MAD1L1: variants seen among roughly 807,000 people sequenced by gnomAD.
MAD1L1 encodes the protein mitotic arrest deficient 1 like 1, also known as mitotic spindle assembly checkpoint protein MAD1.
In MAD1L1, 95 loss-of-function variants were observed where a neutral mutation model predicts 96.9. The ratio of observed to expected loss-of-function variants is 0.98; its 90% CI spans 0.83 to 1.16. The LOEUF is 1.16. MAD1L1 is among the 50% of genes most tolerant of loss of function. The pLI, the probability that MAD1L1 is intolerant of heterozygous loss-of-function variation, is 0.00. For synonymous variants in MAD1L1, 473 were observed against 396.6 expected, an observed-to-expected ratio of 1.19 and a Z score of -2.29; for missense variants, 1,007 against 954.4, an observed-to-expected ratio of 1.06 and a Z score of -0.73.
intron 18 of MAD1L1, among the ~76,000 whole-genome samples, chr7:1,825,530 C>G (rs890655517): frequency 1.3e-5 from 2 of 152,248 alleles, no homozygotes; most frequent in African/African-American, 4.8e-5. Flanking sequence ...GTGAGAGACA[C>G]GGGCCCAAGC....
chr7:2,147,488 A>G (rs1789367555), intron 11 of MAD1L1, among the ~76,000 whole-genome samples: 1 of 152,214 alleles, frequency 6.6e-6, no homozygotes, highest in African/African-American at 2.4e-5. Context: ...GCTTGTGAGA[A>G]CCCAGGATTT....
chr7:2,109,680 A>G (rs1286956020), intron 11 of MAD1L1: 18 of 152,226 alleles, frequency 1.2e-4, no homozygotes. Context: ...AGTTTTAAAC[A>G]CTTCTGTGTT....
At chr7:1,932,427 C>T (rs143330763) in intron 17 of MAD1L1, among the ~76,000 whole-genome samples, 4 of 152,338 alleles carry the variant, frequency 2.6e-5, no homozygotes, top group African/African-American at 4.8e-5. Context: ...AGAGACGGTG[C>T]GGGGCCGTCA....
intron 10 of MAD1L1, among the ~76,000 whole-genome samples, chr7:2,160,323 G>A (rs1790041478): frequency 7.0e-6 from 1 of 143,372 alleles, no homozygotes; most frequent in Non-Finnish European, 1.5e-5. Flanking sequence ...CTTGCCACTG[G>A]ATCCTATTTT....
rs186137040 is a variant in MAD1L1, at chr7:2,020,644, C to T, written c.1219-6002G>A. Among the ~76,000 whole-genome samples the T allele has an allele frequency of 1.3e-3, 194 of 152,306 alleles. 1 individual carries two copies. Among genetic ancestry groups the T allele is most frequent in the African/African-American group, 4.3e-3 (180 of 41,568 alleles). ...GGGCCTCCTGGGAGGGAGGCTGACC[C>T]GGTGGCTGTGGGCAGAGACGAAGGA... is the stretch of plus-strand genomic sequence containing the variant. On this transcript the variant is annotated intron_variant, in intron 12 of 18. Coordinates refer to ENST00000265854, the MANE Select transcript of MAD1L1 (RefSeq NM_001013836.2).
At chr7:2,122,655 C>T (rs1003758230) in intron 11 of MAD1L1, among the ~76,000 whole-genome samples, 6 of 152,010 alleles carry the variant, frequency 3.9e-5, no homozygotes, top group African/African-American at 7.2e-5. Flanking sequence ...AGGGAGTTGA[C>T]GCTGGCCTGC....
chr7:1,958,273 T>C (rs1055822560), intron 15 of MAD1L1, among the ~76,000 whole-genome samples: 5 of 152,182 alleles, frequency 3.3e-5, no homozygotes, highest in Non-Finnish European at 7.3e-5. Flanking sequence ...ACAGTGGGAA[T>C]AGAATACAAA....
intron 16 of MAD1L1, among the ~76,000 whole-genome samples, chr7:1,947,635 G>A (rs147592088): frequency 0.024 from 3,532 of 148,644 alleles, 161 homozygotes; most frequent in East Asian, 0.063. Flanking sequence ...TTGCCCGCTT[G>A]GCCTTCCCAT....
At chr7:2,082,466 G>A (rs1785702695) in intron 11 of MAD1L1, among the ~76,000 whole-genome samples, 1 of 152,322 alleles carries the variant, frequency 6.6e-6, no homozygotes, top group African/African-American at 2.4e-5. Context: ...TGCTGTCGGA[G>A]CCGTGACTTC....
chr7:2,196,898 T>C (rs773854726), intron 10 of MAD1L1, among the ~76,000 whole-genome samples: 13 of 152,120 alleles, frequency 8.5e-5, no homozygotes, highest in Non-Finnish European at 1.8e-4. Flanking sequence ...TCCCCACACT[T>C]CGGGGCTGCT....
chr7:2,170,987 C>T (rs1217135664), intron 10 of MAD1L1, among the ~76,000 whole-genome samples: 2 of 152,176 alleles, frequency 1.3e-5, no homozygotes, highest in Admixed American at 6.5e-5. Flanking sequence ...AAAACAACTT[C>T]TGGCCTTCAA....
At chr7:1,898,096 C>T (rs1273767923) in intron 18 of MAD1L1, 104 bp downstream of exon 18, 1 of 1,250,528 alleles carries the variant, frequency 8.0e-7, no homozygotes, top group Non-Finnish European at 1.1e-6. Flanking sequence ...ACACCATCCC[C>T]TTTGGACGCG....
intron 13 of MAD1L1, among the ~76,000 whole-genome samples, chr7:2,003,255 C>T (rs1310794997): frequency 1.3e-5 from 2 of 152,050 alleles, no homozygotes; most frequent in African/African-American, 2.4e-5. Context: ...GGCGGGGAGG[C>T]GTGTGTATGT....
At chr7:2,160,980 C>T (rs959063991) in intron 10 of MAD1L1, among the ~76,000 whole-genome samples, 2 of 152,144 alleles carry the variant, frequency 1.3e-5, no homozygotes, top group Non-Finnish European at 2.9e-5. Context: ...TGTAACAAAA[C>T]AATTCTATCA....
intron 10 of MAD1L1, among the ~76,000 whole-genome samples, chr7:2,181,049 G>A (rs772343041): frequency 3.3e-5 from 5 of 152,192 alleles, no homozygotes; most frequent in Admixed American, 6.5e-5. Context: ...TCTTTCTTCT[G>A]CTGCTCAAAT....
At chr7:1,906,103 C>T (rs950303900) in intron 17 of MAD1L1, among the ~76,000 whole-genome samples, 8 of 151,834 alleles carry the variant, frequency 5.3e-5, no homozygotes, top group East Asian at 3.9e-4. Context: ...ACCAAGCACC[C>T]GCAGGCACCA....
chr7:1,878,757 A>T (rs1483795847), intron 18 of MAD1L1, among the ~76,000 whole-genome samples: 2 of 141,774 alleles, frequency 1.4e-5, no homozygotes, highest in African/African-American at 5.3e-5. Flanking sequence ...CTTATTCAGC[A>T]CTGTACTGAA....
chr7:2,092,655 T>C lies in MAD1L1; in HGVS notation c.1074-23317A>G, dbSNP rs79982154. On this transcript the variant is annotated intron_variant, in intron 11 of 18. Transcript: ENST00000265854. ...AATTAGGTTGCCTGTTTTCCTATTA[T>C]TGAGTTTTAAGAAGGCCTTATATAT... Among the ~76,000 whole-genome samples, 615 of 152,354 alleles carry C rather than the reference T, an allele frequency of 4.0e-3. 3 individuals are homozygous for C. Among genetic ancestry groups the C allele is most frequent in the Non-Finnish European group, 6.6e-3 (450 of 68,032 alleles).
chr7:1,989,028 A>C (rs4721287), intron 14 of MAD1L1, among the ~76,000 whole-genome samples: 49,349 of 152,148 alleles, frequency 0.32, 8,899 homozygotes, highest in East Asian at 0.56. Flanking sequence ...TAGTGTCTAG[A>C]ACACATGAAG....
Sources: gnomAD v4.1 joint callset for allele counts (sites outside exome capture counted in the v4.1 genomes callset) on GRCh38, gnomAD v4.1.1 for gene constraint, MANE v1.5 for transcripts, NCBI Gene and HGNC (gene_info 2026-07-23, HGNC 2026-07-21) for gene names.